ATP6V1B1: variants seen among roughly 807,000 people sequenced by gnomAD.
ATP6V1B1 encodes the protein ATPase H+ transporting V1 subunit B1, also known as V-type proton ATPase subunit B, kidney isoform.
In ATP6V1B1, 41 loss-of-function variants were observed where a neutral mutation model predicts 62.1. The observed-to-expected ratio is 0.66, with a 90% CI of 0.51 to 0.86. ATP6V1B1 has a LOEUF of 0.86. ATP6V1B1 is among the 40% of genes least tolerant of loss of function. ATP6V1B1 has a pLI of 0.00. For missense variants in ATP6V1B1, 651 were observed against 697.5 expected (o/e 0.93, Z 0.75); for synonymous variants, 253 against 273.4 (o/e 0.93, Z 0.74).
chr2:70,940,776 G>T, intron 1 of ATP6V1B1: 1 of 985,522 alleles, frequency 1.0e-6, no homozygotes, highest in Non-Finnish European at 1.2e-6. Flanking sequence ...TTGGAGGCTT[G>T]GGAAGGTCGG....
chr2:70,947,539 C>T (rs1680212692), intron 2 of ATP6V1B1: 1 of 152,284 alleles, frequency 6.6e-6, no homozygotes, highest in Non-Finnish European at 1.5e-5. Flanking sequence ...CTCACCTTAA[C>T]CACCAGACTC....
Position 70,935,959 on chromosome 2 carries a change from C to A in ATP6V1B1, c.5C>A (p.Ala2Asp), listed in dbSNP as rs876657744. 1 of 1,613,226 alleles carries A rather than the reference C, an allele frequency of 6.2e-7. No individual in the cohort carries two copies. Among genetic ancestry groups the A allele is most frequent in the Non-Finnish European group, 8.5e-7 (1 of 1,179,490 alleles). Residue 2 changes from alanine to aspartate, a missense_variant, in exon 1 of 14, where the codon GCC (alanine) becomes GAC (aspartate). Transcript: ENST00000234396. ...CTCCCAGCTGGGGACTGCTCCATGG[C>A]CATGGAGATAGACAGCAGGCCTGGG... The part of the protein sequence containing the change: M[A>D]MEIDSRPGGL...
chr2:70,940,395 TC>T (rs1558668356), intron 1 of ATP6V1B1: 3 of 985,000 alleles, frequency 3.0e-6, no homozygotes, highest in Admixed American at 6.2e-5. Context: ...ACTGCTTTCT[TC>T]CCCCAGCGCA....
chr2:70,953,451 T>TA (rs1349840224), intron 2 of ATP6V1B1, among the ~76,000 whole-genome samples: 1 of 152,224 alleles, frequency 6.6e-6, no homozygotes, highest in African/African-American at 2.4e-5. Flanking sequence ...TAAGGTGAAT[T>TA]ACATGAATAG....
At chr2:70,944,120 C>T in intron 2 of ATP6V1B1, 3 of 1,285,524 alleles carry the variant, frequency 2.3e-6, no homozygotes, top group Non-Finnish European at 3.0e-6. Context: ...ACAGGATCTT[C>T]TTTTAACGGG....
intron 1 of ATP6V1B1, chr2:70,941,338 G>A (rs555476157): frequency 8.1e-6 from 8 of 985,572 alleles, no homozygotes; most frequent in South Asian, 4.7e-5. Context: ...CACCTGAAGC[G>A]AGCCTGTGCA....
In ATP6V1B1 at chr2:70,963,138, C is replaced by T. The variant is rs1553420404; in HGVS notation, c.910-24C>T. 6.2e-7 allele frequency: 1 copy of T among 1,612,648 alleles called. No homozygotes were observed. The highest frequency in any genetic ancestry group is 8.5e-7 in the Non-Finnish European group (1 of 1,179,134). On this transcript the variant is annotated intron_variant, in intron 9 of 13. Transcript: ENST00000234396. This position sits in a 1 kb window ranked among gnomAD's most constrained non-coding sequence, Gnocchi z 4.3. The stretch of plus-strand genomic sequence containing the variant: ...CTTCAGCCTCTCATCCCCTTTCTTA[C>T]CCCAGTGCCCATGGATATTGCAGGT...
chr2:70,960,920 G>T lies in ATP6V1B1; in HGVS notation c.586-1G>T. 6.2e-7 allele frequency: 1 copy of T among 1,605,876 alleles called. No homozygotes were observed. Among genetic ancestry groups the T allele is most frequent in the South Asian group, 1.1e-5 (1 of 89,294 alleles). On this transcript the variant is annotated splice_acceptor_variant, in intron 6 of 13. Coordinates refer to ENST00000234396, the MANE Select transcript of ATP6V1B1 (RefSeq NM_001692.4). LOFTEE classifies it high-confidence loss of function. ...CTCCTGCCCAATCCACTCTGCCCTA[G>T]ATTGCCGCTCAGATCTGCCGCCAGG... is the stretch of plus-strand genomic sequence containing the variant.
intron 1 of ATP6V1B1, 67 bp downstream of exon 1, chr2:70,936,139 C>A: frequency 6.6e-7 from 1 of 1,517,066 alleles, no homozygotes; most frequent in Non-Finnish European, 9.1e-7. Context: ...GCCAGGTTCC[C>A]GGGCCCCGCT....
intron 6 of ATP6V1B1, 100 bp downstream of exon 6, chr2:70,960,178 G>A: frequency 6.5e-7 from 1 of 1,543,866 alleles, no homozygotes; most frequent in Admixed American, 1.8e-5. Flanking sequence ...AGCAGGCAGG[G>A]GCTGGCAGGG....
At position 70,959,973 on chromosome 2, in the gene ATP6V1B1, C is replaced by T. The variant is rs371558150; in HGVS notation, c.480C>T (p.Pro160=). The T allele has an allele frequency of 1.2e-5, 19 of 1,614,206 alleles. No individual in the cohort carries two copies. In the East Asian group the frequency reaches 2.2e-4, roughly 19 times the overall value. ...TCAACCCGCACTCCCGCATCTACCC[C>T]GAGGAGATGATTCAGACGGGCATTT... ...QPINPHSRIY[P]EEMIQTGISP... is the part of the protein sequence containing the mutation. The change falls in exon 6 of 14, where the codon CCC becomes CCT. Residue 160 remains proline (P), a synonymous_variant. Transcript: ENST00000234396. This position sits in a 1 kb window ranked among gnomAD's most constrained non-coding sequence, Gnocchi z 4.2.
chr2:70,964,492 A>G lies in ATP6V1B1; in HGVS notation c.1198A>G (p.Ile400Val), dbSNP rs781913425. ...CCTGTCGCGGCTGATGAAGTCAGCC[A>G]TTGGGGAAGGCATGACAAGAAAGGA... Reference protein sequence around the residue: ...PSLSRLMKSAIGEGMTRKDHG... With the variant: ...PSLSRLMKSAVGEGMTRKDHG... Residue 400 changes from isoleucine (I) to valine (V), a missense_variant, in exon 12 of 14, where the codon ATT (isoleucine) becomes GTT (valine). Coordinates refer to ENST00000234396, the MANE Select transcript of ATP6V1B1 (RefSeq NM_001692.4). The G allele has an allele frequency of 1.2e-6, 2 of 1,614,002 alleles. No homozygotes were observed. The highest frequency in any genetic ancestry group is 2.7e-5 in the African/African-American group (2 of 74,890).
chr2:70,960,832 C>T (rs1189482942), intron 6 of ATP6V1B1, 89 bp from the exon 7 acceptor site: 1 of 1,080,766 alleles, frequency 9.3e-7, no homozygotes, highest in African/African-American at 1.6e-5. Context: ...TTGGATCCCT[C>T]CCACCAAAGG....
At chr2:70,956,474 A>C (rs961451876) in intron 2 of ATP6V1B1, among the ~76,000 whole-genome samples, 36 of 152,204 alleles carry the variant, frequency 2.4e-4, no homozygotes, top group African/African-American at 8.2e-4. Flanking sequence ...ATGGACATTG[A>C]GTTATTTTCA....
rs781923702 is a variant in ATP6V1B1, at chr2:70,965,042, G to T, written c.1463G>T (p.Arg488Leu). 3.1e-6 allele frequency: 5 copies of T among 1,613,542 alleles called. No homozygotes were observed. The highest frequency in any genetic ancestry group is 8.5e-7 in the Non-Finnish European group (1 of 1,180,028). Residue 488 changes from arginine to leucine, a missense_variant, in exon 14 of 14, where the codon CGC becomes CTC. Physicochemically the swap from Arg to Leu is moderately radical, Grantham distance 102 (BLOSUM62 -2). Transcript: ENST00000234396. ...LRIFPKEMLK[R>L]IPQAVIDEFY... ...ATCTTCCCCAAGGAGATGCTGAAGC[G>T]CATTCCGCAGGCCGTGATCGACGAG...
chr2:70,947,354 C>T (rs552422706), intron 2 of ATP6V1B1, among the ~76,000 whole-genome samples: 6 of 152,284 alleles, frequency 3.9e-5, no homozygotes, highest in Non-Finnish European at 8.8e-5. Context: ...GGCCCCACCC[C>T]AGAGCTCTGA....
chr2:70,962,927 AT>A (rs782125513), intron 9 of ATP6V1B1, 27 bp downstream of exon 9: 176 of 1,613,132 alleles, frequency 1.1e-4, no homozygotes, highest in Non-Finnish European at 1.4e-4. Context: ...GGGGTGTCAG[AT>A]TCCTCCCTAC....
intron 1 of ATP6V1B1, chr2:70,938,561 A>G (rs2104798187): frequency 2.0e-6 from 2 of 985,306 alleles, no homozygotes; most frequent in Non-Finnish European, 2.4e-6. Context: ...GAGGCCTGAG[A>G]CTTTAAGGCT....
intron 2 of ATP6V1B1, among the ~76,000 whole-genome samples, chr2:70,948,843 TC>T (rs1680252831): frequency 6.6e-6 from 1 of 152,088 alleles, no homozygotes; most frequent in Non-Finnish European, 1.5e-5. Context: ...GCAAACCTAG[TC>T]TCAAGTTCGA....
Sources: gnomAD v4.1 joint callset for allele counts (sites outside exome capture counted in the v4.1 genomes callset) on GRCh38, gnomAD v4.1.1 for gene constraint, Gnocchi (gnomAD v3.1) non-coding constraint, MANE v1.5 for transcripts, NCBI Gene and HGNC (gene_info 2026-07-23, HGNC 2026-07-21) for gene names.